Variants in RHOA observed in about 807,000 individuals in gnomAD.
RHOA encodes transforming protein RhoA.
Under a neutral mutation model 17.5 loss-of-function variants are expected in RHOA, and 3 were observed. That is an observed-to-expected ratio of 0.17 (90% CI 0.08 to 0.44). RHOA has a LOEUF of 0.44. Ranked by LOEUF, RHOA falls within the 20% of genes least tolerant of loss-of-function variation. RHOA has a pLI of 0.99. For missense variants in RHOA, 56 were observed against 242.3 expected (o/e 0.23, Z 5.10); for synonymous variants, 98 against 88.4 (o/e 1.11, Z -0.61).
chr3:49,364,529 T>TCA (rs2048023911), intron 3 of RHOA, among the ~76,000 whole-genome samples: 1 of 150,812 alleles, frequency 6.6e-6, no homozygotes, highest in East Asian at 2.0e-4. Flanking sequence ...GGCATGGTGG[T>TCA]GCACACCTGT....
At chr3:49,379,705 C>T (rs530522677) in intron 1 of RHOA, among the ~76,000 whole-genome samples, 7 of 152,074 alleles carry the variant, frequency 4.6e-5, no homozygotes, top group African/African-American at 1.4e-4. Context: ...TAGTAGTGAC[C>T]GGGTTTCACC....
chr3:49,376,644 CA>C (rs963176937), intron 1 of RHOA, among the ~76,000 whole-genome samples: 770 of 43,860 alleles, frequency 0.018, 7 homozygotes, highest in African/African-American at 0.053. Context: ...CTCCATCTCA[CA>C]AAAAAAAAAA....
intron 1 of RHOA, among the ~76,000 whole-genome samples, chr3:49,399,301 C>T (rs1362933412): frequency 6.6e-6 from 1 of 150,436 alleles, no homozygotes; most frequent in South Asian, 2.1e-4. Flanking sequence ...ACCTGGGAGG[C>T]GGAGCTTGCA....
At chr3:49,393,670 C>CTGTGTGTG (rs2048553811) in intron 1 of RHOA, among the ~76,000 whole-genome samples, 5 of 97,244 alleles carry the variant, frequency 5.1e-5, no homozygotes, top group Non-Finnish European at 1.0e-4. Context: ...GTCTCAAATT[C>CTGTGTGTG]TCTCTCTGTG....
intron 1 of RHOA, among the ~76,000 whole-genome samples, chr3:49,400,927 T>G (rs2107899954): frequency 6.7e-6 from 1 of 149,468 alleles, no homozygotes; most frequent in East Asian, 2.0e-4. Context: ...GCGCCTGTAG[T>G]CCCAGCTATT....
At position 49,360,035 on chromosome 3, in the gene RHOA, G is replaced by C; in HGVS notation, c.*174C>G. 1.4e-6 allele frequency: 1 copy of C among 712,674 alleles called. No individual in the cohort carries two copies. The highest frequency in any genetic ancestry group is 2.2e-6 in the Non-Finnish European group (1 of 456,726). The allele number at this position is 712,674 out of a possible 1,614,324, so 44.1% of individuals were successfully genotyped here. A position where few individuals can be genotyped will look rare whatever the true frequency, so the allele number is the denominator to read the frequency against. On this transcript the variant is annotated 3_prime_UTR_variant, in exon 5 of 5. Transcript: ENST00000418115. Reference sequence around the variant, plus strand: ...CAAAAGGACCCTGGTGGGCCAGACGGGTTGGACATCGTTAATAATCATAGT... The same window carrying C: ...CAAAAGGACCCTGGTGGGCCAGACGCGTTGGACATCGTTAATAATCATAGT...
chr3:49,396,622 G>A (rs562177026), intron 1 of RHOA, among the ~76,000 whole-genome samples: 217 of 152,000 alleles, frequency 1.4e-3, no homozygotes, highest in Non-Finnish European at 2.5e-3. Flanking sequence ...CAGGAGAATC[G>A]CTTGAACCTG....
At chr3:49,393,870 T>C (rs969047415) in intron 1 of RHOA, among the ~76,000 whole-genome samples, 2 of 150,006 alleles carry the variant, frequency 1.3e-5, no homozygotes, top group Admixed American at 1.3e-4. Flanking sequence ...CCACTACGCC[T>C]GGCTAATTTT....
At chr3:49,360,769 AAG>A (rs1184209488) in intron 4 of RHOA, among the ~76,000 whole-genome samples, 1 of 151,946 alleles carries the variant, frequency 6.6e-6, no homozygotes, top group East Asian at 2.0e-4. Context: ...AAAAAAAAAA[AAG>A]ACTTTCAAAA....
intron 1 of RHOA, among the ~76,000 whole-genome samples, chr3:49,411,606 C>G (rs2048937733): frequency 6.6e-6 from 1 of 151,898 alleles, no homozygotes; most frequent in Admixed American, 6.6e-5. Flanking sequence ...CAGGAGACTA[C>G]CGGGCGCGCT....
chr3:49,374,013 A>C (rs1037700486), intron 2 of RHOA, among the ~76,000 whole-genome samples: 3 of 152,188 alleles, frequency 2.0e-5, no homozygotes, highest in Non-Finnish European at 4.4e-5. Flanking sequence ...ATCAATGACA[A>C]TAAAATAAAA....
intron 1 of RHOA, among the ~76,000 whole-genome samples, chr3:49,393,412 T>C (rs944652840): frequency 9.9e-5 from 15 of 151,498 alleles, no homozygotes; most frequent in Non-Finnish European, 2.1e-4. Context: ...GCTCAATCAG[T>C]TCTCCCACCT....
chr3:49,392,087 C>A (rs1395251771), intron 1 of RHOA, among the ~76,000 whole-genome samples: 3 of 151,736 alleles, frequency 2.0e-5, no homozygotes, highest in Admixed American at 2.0e-4. Flanking sequence ...TCAGCCCCCG[C>A]AAAGTGCTGG....
chr3:49,395,987 G>C (rs187774078), intron 1 of RHOA, among the ~76,000 whole-genome samples: 47 of 152,172 alleles, frequency 3.1e-4, no homozygotes, highest in Non-Finnish European at 5.4e-4. Context: ...GAATGGAGAG[G>C]GGCAGTGATC....
At chr3:49,375,848 C>G (rs1056666185) in intron 1 of RHOA, among the ~76,000 whole-genome samples, 5 of 152,198 alleles carry the variant, frequency 3.3e-5, no homozygotes, top group Middle Eastern at 6.8e-3. Context: ...TCTGTTCTTG[C>G]CACTTCTTTT....
intron 1 of RHOA, among the ~76,000 whole-genome samples, chr3:49,395,273 AAGG>A (rs1169482501): frequency 2.0e-5 from 3 of 151,874 alleles, no homozygotes; most frequent in African/African-American, 7.2e-5. Context: ...AGAATTCAGA[AAGG>A]AGATTTTTGA....
chr3:49,369,742 C>CT (rs2048121409), intron 2 of RHOA, among the ~76,000 whole-genome samples: 1 of 142,944 alleles, frequency 7.0e-6, no homozygotes, highest in Non-Finnish European at 1.5e-5. Context: ...GCCTCCATCT[C>CT]TAAAAAAAAA....
At chr3:49,402,096 A>G (rs2048732378) in intron 1 of RHOA, among the ~76,000 whole-genome samples, 1 of 152,232 alleles carries the variant, frequency 6.6e-6, no homozygotes, top group South Asian at 2.1e-4. Context: ...GGGGAAAGAC[A>G]GGCAAGGAAC....
chr3:49,361,623 G>A (rs2047972885), intron 4 of RHOA, among the ~76,000 whole-genome samples: 1 of 152,188 alleles, frequency 6.6e-6, no homozygotes, highest in African/African-American at 2.4e-5. Flanking sequence ...GCTCACACCT[G>A]TAATCCCAGC....
Sources: gnomAD v4.1 joint callset for allele counts (sites outside exome capture counted in the v4.1 genomes callset) on GRCh38, gnomAD v4.1.1 for gene constraint, MANE v1.5 for transcripts, NCBI Gene and HGNC (gene_info 2026-07-23, HGNC 2026-07-21) for gene names.